MECOM: variants seen among roughly 807,000 people sequenced by gnomAD.
MECOM encodes MDS1 and EVI1 complex locus.
A neutral mutation model predicts 116.3 loss-of-function variants in MECOM; 13 were observed. The ratio of observed to expected loss-of-function variants is 0.11; its 90% confidence interval spans 0.07 to 0.18. The LOEUF (loss-of-function observed/expected upper bound fraction) is 0.18. MECOM is among the 10% of genes least tolerant of loss of function. The pLI, the probability that MECOM is intolerant of heterozygous loss-of-function variation, is 1.00. For synonymous variants in MECOM, 528 were observed against 535.2 expected, an observed-to-expected ratio of 0.99 and a Z score of 0.19; for missense variants, 1,299 against 1,509.0, an observed-to-expected ratio of 0.86 and a Z score of 2.31.
chr3:169,660,274 G>T (rs763757281), intron 1 of MECOM, among the ~76,000 whole-genome samples: 1 of 152,152 alleles, frequency 6.6e-6, no homozygotes, highest in Non-Finnish European at 1.5e-5. Flanking sequence ...ATTCAGGGGC[G>T]TTAGGCACTA....
chr3:169,373,190 C>A (rs918679230), intron 2 of MECOM, among the ~76,000 whole-genome samples: 1 of 151,950 alleles, frequency 6.6e-6, no homozygotes, highest in African/African-American at 2.4e-5. Flanking sequence ...TGTGAGGTGG[C>A]AATTGCTGCC....
At chr3:169,619,267 A>C (rs748400371) in intron 1 of MECOM, among the ~76,000 whole-genome samples, 1 of 152,186 alleles carries the variant, frequency 6.6e-6, no homozygotes, top group African/African-American at 2.4e-5. Flanking sequence ...TGTGCTGAGA[A>C]GGCCGAGGAG....
intron 1 of MECOM, among the ~76,000 whole-genome samples, chr3:169,439,062 A>C (rs939345077): frequency 1.3e-5 from 2 of 149,736 alleles, no homozygotes; most frequent in Non-Finnish European, 3.0e-5. Flanking sequence ...GCTAGGAAAG[A>C]TATTTAAAAA....
chr3:169,250,493 C>A (rs1387613970), intron 2 of MECOM, among the ~76,000 whole-genome samples: 3 of 152,190 alleles, frequency 2.0e-5, no homozygotes, highest in African/African-American at 7.2e-5. Context: ...TCTCTTGTTT[C>A]TCGAGCAATC....
chr3:169,230,246 A>AG (rs889682250), intron 2 of MECOM, among the ~76,000 whole-genome samples: 8 of 115,648 alleles, frequency 6.9e-5, no homozygotes, highest in Non-Finnish European at 1.6e-4. Context: ...AGTGCCAAAA[A>AG]GAAAAAAAAA....
intron 1 of MECOM, among the ~76,000 whole-genome samples, chr3:169,433,687 A>AAGAAAGAAAGAG (rs1553851607): frequency 1.8e-5 from 2 of 108,988 alleles, no homozygotes; most frequent in Non-Finnish European, 4.1e-5. Context: ...GAAAGAAAGA[A>AAGAAAGAAAGAG]AGAGAAAGAA....
At chr3:169,312,331 T>C (rs1718938741) in intron 2 of MECOM, among the ~76,000 whole-genome samples, 2 of 151,676 alleles carry the variant, frequency 1.3e-5, no homozygotes, top group African/African-American at 4.8e-5. Context: ...TTGATGTAGA[T>C]GTGACAGAAT....
At chr3:169,176,376 C>G (rs1745170430) in intron 2 of MECOM, among the ~76,000 whole-genome samples, 1 of 152,064 alleles carries the variant, frequency 6.6e-6, no homozygotes, top group African/African-American at 2.4e-5. Flanking sequence ...AAAGGATCTC[C>G]TATTCAATAA....
chr3:169,176,868 C>T (rs1745238457), intron 2 of MECOM, among the ~76,000 whole-genome samples: 1 of 152,054 alleles, frequency 6.6e-6, no homozygotes, highest in Admixed American at 6.6e-5. Context: ...TGAAAAAAAG[C>T]TCAACATCAC....
intron 2 of MECOM, among the ~76,000 whole-genome samples, chr3:169,253,296 T>A (rs1756456154): frequency 6.6e-6 from 1 of 152,146 alleles, no homozygotes; most frequent in Admixed American, 6.5e-5. Context: ...ACTTCACTAA[T>A]GCTGACCAAC....
intron 1 of MECOM, among the ~76,000 whole-genome samples, chr3:169,505,760 GA>G (rs759431500): frequency 4.5e-4 from 68 of 152,162 alleles, no homozygotes; most frequent in Non-Finnish European, 6.6e-4. Context: ...TAAGAAGAAG[GA>G]AAAGCACATG....
intron 2 of MECOM, among the ~76,000 whole-genome samples, chr3:169,176,939 TG>T (rs1453193856): frequency 6.6e-6 from 1 of 152,190 alleles, no homozygotes; most frequent in Admixed American, 6.5e-5. Context: ...CCAGTCAGAA[TG>T]GCGATTATTT....
At chr3:169,150,909 CCCTT>C (rs1741084008) in intron 2 of MECOM, among the ~76,000 whole-genome samples, 1 of 152,066 alleles carries the variant, frequency 6.6e-6, no homozygotes, top group African/African-American at 2.4e-5. Flanking sequence ...CTCCTCAGGC[CCCTT>C]CCTTCCTTCC....
At chr3:169,111,521 A>G (rs1342277511) in intron 9 of MECOM, among the ~76,000 whole-genome samples, 1 of 152,190 alleles carries the variant, frequency 6.6e-6, no homozygotes, top group East Asian at 1.9e-4. Flanking sequence ...CAGTCTAAAT[A>G]TAAAATATAG....
chr3:169,413,921 G>A (rs566286578), intron 1 of MECOM, among the ~76,000 whole-genome samples: 2 of 152,274 alleles, frequency 1.3e-5, no homozygotes, highest in East Asian at 3.9e-4. Flanking sequence ...CATCTTCCTG[G>A]AACAGAGAAC....
intron 2 of MECOM, among the ~76,000 whole-genome samples, chr3:169,356,525 G>A (rs932546503): frequency 6.6e-6 from 1 of 151,866 alleles, no homozygotes; most frequent in Non-Finnish European, 1.5e-5. Flanking sequence ...TATGAGAGCC[G>A]AACATAAGAC....
chr3:169,426,612 G>C (rs1578066610), intron 1 of MECOM, among the ~76,000 whole-genome samples: 1 of 152,176 alleles, frequency 6.6e-6, no homozygotes, highest in Non-Finnish European at 1.5e-5. Flanking sequence ...TCAATGAATA[G>C]TTTTCTGCAC....
intron 2 of MECOM, among the ~76,000 whole-genome samples, chr3:169,194,355 C>T (rs900443971): frequency 2.0e-5 from 3 of 151,836 alleles, no homozygotes; most frequent in South Asian, 2.1e-4. Context: ...AGGAGATATA[C>T]CTAATGTTAA....
In MECOM at chr3:169,404,423, G is replaced by A. The variant is rs147037149; in HGVS notation, c.38-22899C>T. Among the ~76,000 whole-genome samples the A allele has an allele frequency of 9.4e-3, 1,427 of 152,116 alleles. 8 individuals are homozygous for A. The highest frequency in any genetic ancestry group is 0.02 in the Middle Eastern group (6 of 294). On this transcript the variant is annotated intron_variant, in intron 1 of 16. Coordinates refer to ENST00000651503, the MANE Select transcript of MECOM (RefSeq NM_004991.4). The stretch of plus-strand genomic sequence containing the variant: ...AGAGAGTTAAAAAAAAATTTTTAAG[G>A]CTTACCAACAAACAAAAAACAAGCT...
Sources: allele counts gnomAD v4.1 joint callset (sites outside exome capture counted in the v4.1 genomes callset), GRCh38; gene constraint gnomAD v4.1.1; transcripts MANE v1.5; gene names NCBI Gene and HGNC (gene_info 2026-07-23, HGNC 2026-07-21).